Variants in ABR observed in about 807,000 individuals in gnomAD.
The protein encoded by ABR is ABR activator of RhoGEF and GTPase.
ABR carries 35 observed loss-of-function variants against 107.2 expected under a neutral mutation model. The ratio of observed to expected loss-of-function variants is 0.33; its 90% CI spans 0.25 to 0.43. The LOEUF (loss-of-function observed/expected upper bound fraction) is 0.43, where lower values mean the gene tolerates loss of function less well. ABR is among the 20% of genes least tolerant of loss of function. The pLI is 1.00. For synonymous variants in ABR, 498 were observed against 462.0 expected (o/e 1.08, Z -1.00); for missense variants, 815 against 1,115.2 (o/e 0.73, Z 3.83).
intron 2 of ABR, among the ~76,000 whole-genome samples, chr17:1,101,576 G>A (rs142944130): frequency 6.6e-6 from 1 of 152,148 alleles, no homozygotes; most frequent in East Asian, 1.9e-4. Context: ...CGCAAAACGC[G>A]AGTACTTGGG....
chr17:1,172,164 G>A (rs546927859), intron 1 of ABR, among the ~76,000 whole-genome samples: 4 of 152,218 alleles, frequency 2.6e-5, no homozygotes, highest in African/African-American at 4.8e-5. Context: ...GTCAGGTCTC[G>A]ACCCGGGGAC....
At chr17:1,191,811 A>C (rs139937737), upstream of ABR, among the ~76,000 whole-genome samples, 2 of 152,252 alleles carry the variant, frequency 1.3e-5, no homozygotes, top group Admixed American at 6.5e-5. Flanking sequence ...AGGACTCTGC[A>C]TGTATTAAAT....
chr17:1,031,878 CCCTCCCTCCCTCCCTCCGTCCGCGTCCCT>C, intron 16 of ABR: 14 of 1,039,492 alleles, frequency 1.3e-5, no homozygotes, highest in South Asian at 5.1e-5. Context: ...CCCCGCGCTC[CCCTCCCTCCCTCCCTCCGTCCGCGTCCCT>C]CCTCCCTCCT....
rs11653072 is a variant in ABR at position 1,050,763 on chromosome 17, C to A, written c.1562-129G>T. ...CGTCCCCACGGATGGCATCTTGGCT[C>A]TCTCCTCCCTGAAGCCCGGGACCAT... On this transcript the variant is annotated intron_variant, in intron 14 of 22. Transcript: ENST00000302538. This position sits in a 1 kb window ranked among gnomAD's most constrained non-coding sequence, Gnocchi z 4.6. The A allele has an allele frequency of 2.2e-5, 16 of 737,168 alleles. No individual in the cohort carries two copies. Among genetic ancestry groups the A allele is most frequent in the Non-Finnish European group, 3.8e-5 (16 of 423,946 alleles). The allele number at this position is 737,168 out of a possible 1,614,324, so 45.7% of individuals were successfully genotyped here.
At chr17:1,022,524 A>G (rs2663345) in intron 16 of ABR, 69,746 of 154,276 alleles carry the variant, frequency 0.45, 17,857 homozygotes, top group African/African-American at 0.69. Flanking sequence ...CGTCAACGTG[A>G]CTGCTCCGAG....
intron 16 of ABR, chr17:1,049,839 C>T: frequency 1.7e-6 from 1 of 596,174 alleles, no homozygotes; most frequent in South Asian, 2.3e-5. Flanking sequence ...CGCAGATGAC[C>T]CACCTGAGGA....
chr17:1,041,080 C>T (rs562766670), intron 16 of ABR, among the ~76,000 whole-genome samples: 52 of 152,078 alleles, frequency 3.4e-4, no homozygotes, highest in Non-Finnish European at 6.2e-4. Context: ...CCATCACGCC[C>T]GGCTGATTTT....
intron 2 of ABR, among the ~76,000 whole-genome samples, chr17:1,111,845 G>T (rs1033933766): frequency 1.3e-5 from 2 of 152,152 alleles, no homozygotes; most frequent in Admixed American, 1.3e-4. Context: ...TGGGCTCTAG[G>T]TCTAGCACCT....
At chr17:1,215,372 GCGATT>G (rs1275039213) in intron 1 of ABR, among the ~76,000 whole-genome samples, 5 of 152,198 alleles carry the variant, frequency 3.3e-5, no homozygotes, top group African/African-American at 1.2e-4. Context: ...CCGAGTGCCT[GCGATT>G]GCAGGCGCGC....
rs867440169 is a variant in ABR at position 1,204,973 on chromosome 17, G to A, written c.838+23820C>T. 9.0e-4 allele frequency among the ~76,000 whole-genome samples: 119 copies of A among 132,128 alleles called. 1 individual carries two copies. The Middle Eastern group carries it at 0.02, about 22-fold the overall frequency. The allele number at this position is 132,128 out of a possible 152,430, so 86.7% of individuals were successfully genotyped here. A position where few individuals can be genotyped will look rare whatever the true frequency, so the allele number is the denominator to read the frequency against. ...GGCTGGAGTGCAAGGGCGTGATCTC[G>A]GCTCACTGCATCCTCTGCCTCCTGG... On this transcript the variant is annotated intron_variant, in intron 1 of 22. Coordinates refer to the ABR transcript ENST00000574139.
intron 1 of ABR, among the ~76,000 whole-genome samples, chr17:1,223,752 T>C (rs376060815): frequency 1.3e-5 from 2 of 152,168 alleles, no homozygotes; most frequent in African/African-American, 4.8e-5. Flanking sequence ...GCAACCACCT[T>C]CTTCACAAGG....
At chr17:1,023,257 G>A (rs952311358) in intron 16 of ABR, among the ~76,000 whole-genome samples, 2 of 152,234 alleles carry the variant, frequency 1.3e-5, no homozygotes, top group African/African-American at 2.4e-5. Flanking sequence ...CCCCGGGCTG[G>A]GCATGGCTGA....
chr17:1,101,092 G>A (rs1034976557), intron 2 of ABR: 2 of 257,910 alleles, frequency 7.8e-6, no homozygotes, highest in African/African-American at 2.2e-5. Flanking sequence ...CCAAAGTGCT[G>A]GGATTACAGG....
chr17:1,165,422 G>A (rs944580050), intron 1 of ABR, among the ~76,000 whole-genome samples: 1 of 152,254 alleles, frequency 6.6e-6, no homozygotes, highest in African/African-American at 2.4e-5. Flanking sequence ...AGCCACCCCT[G>A]CCTGGCGCTG....
intron 1 of ABR, among the ~76,000 whole-genome samples, chr17:1,218,004 A>AT (rs1223794022): frequency 2.0e-5 from 3 of 152,060 alleles, no homozygotes; most frequent in Non-Finnish European, 2.9e-5. Flanking sequence ...TAATTTTTGT[A>AT]TTTTTAGTGG....
Position 1,078,965 on chromosome 17 carries a change from A to T in ABR, c.700+365T>A. The T allele has an allele frequency of 6.6e-7, 1 of 1,504,484 alleles. No individual in the cohort carries two copies. The highest frequency in any genetic ancestry group is 8.9e-7 in the Non-Finnish European group (1 of 1,128,460). 93.2% of individuals were successfully genotyped at this position (1,504,484 alleles called of 1,614,324 possible). On this transcript the variant is annotated intron_variant, in intron 6 of 22. Transcript: ENST00000302538. This position sits in a 1 kb window ranked among gnomAD's most constrained non-coding sequence, Gnocchi z 7.5. ...CCACCTTGCTGATGCTGCCGCACGG[A>T]CTCCAGCATCGGGCAGCCGCTCCGG...
At chr17:1,142,149 A>G (rs1412263528) in intron 1 of ABR, among the ~76,000 whole-genome samples, 1 of 152,126 alleles carries the variant, frequency 6.6e-6, no homozygotes, top group East Asian at 1.9e-4. Context: ...CTCCTACCCC[A>G]GGGATTGCTA....
chr17:1,201,677 CTTGT>C (rs71866129), intron 1 of ABR, among the ~76,000 whole-genome samples: 55,002 of 151,478 alleles, frequency 0.36, 11,064 homozygotes, highest in East Asian at 0.87. Context: ...AGCATTTTTG[CTTGT>C]TTGTTTGTTT....
At chr17:1,087,890 G>C (rs58948008) in intron 4 of ABR, among the ~76,000 whole-genome samples, 1 of 152,072 alleles carries the variant, frequency 6.6e-6, no homozygotes, top group East Asian at 1.9e-4. Context: ...CACCCCAGGC[G>C]GTAGGGCCCG....
Sources: gnomAD v4.1 joint callset for allele counts (sites outside exome capture counted in the v4.1 genomes callset) on GRCh38, gnomAD v4.1.1 for gene constraint, Gnocchi (gnomAD v3.1) non-coding constraint, MANE v1.5 for transcripts, NCBI Gene and HGNC (gene_info 2026-07-23, HGNC 2026-07-21) for gene names.